Variants in IGSF3 observed in about 807,000 individuals in gnomAD.
IGSF3 encodes glu-Trp-Ile EWI motif-containing protein 3.
A neutral mutation model predicts 114.4 loss-of-function variants in IGSF3; 23 were observed. The observed-to-expected ratio is 0.20, with a 90% confidence interval of 0.14 to 0.28. The LOEUF is 0.28. Ranked by LOEUF, IGSF3 falls within the 10% of genes least tolerant of loss-of-function variation. IGSF3 has a pLI of 1.00. For synonymous variants in IGSF3, 571 were observed against 645.2 expected (o/e 0.88, Z 1.74); for missense variants, 1,172 against 1,591.5 (o/e 0.74, Z 4.48).
In IGSF3 at chr1:116,593,013, C is replaced by T. The variant is rs974976978; in HGVS notation, c.2030-3909G>A. On this transcript the variant is annotated intron_variant, in intron 7 of 10. Transcript: ENST00000369486. The surrounding 1 kb of genome is among the most constrained non-coding windows in gnomAD (Gnocchi z 4.5). ...ACAAGAGGAAAAAGATGACAACTAC[C>T]CTGTGCACTCTATTCAAGGAGGAGC... 1.3e-5 allele frequency among the ~76,000 whole-genome samples: 2 copies of T among 152,140 alleles called. No individual in the cohort carries two copies. Among genetic ancestry groups the T allele is most frequent in the African/African-American group, 4.8e-5 (2 of 41,414 alleles).
At chr1:116,639,400 C>T (rs1050446352) in intron 2 of IGSF3, among the ~76,000 whole-genome samples, 1 of 152,218 alleles carries the variant, frequency 6.6e-6, no homozygotes, top group Non-Finnish European at 1.5e-5. Flanking sequence ...TTTGCAAAGC[C>T]CAGCTCAAGT....
In IGSF3 at chr1:116,616,675, T is replaced by C. The variant is rs1661230648; in HGVS notation, c.44-218A>G. Among the ~76,000 whole-genome samples, 1 of 152,256 alleles carries C rather than the reference T, an allele frequency of 6.6e-6. No individual in the cohort carries two copies. The highest frequency in any genetic ancestry group is 2.1e-4 in the South Asian group (1 of 4,836). On this transcript the variant is annotated intron_variant, in intron 2 of 10. Transcript: ENST00000369486. The surrounding 1 kb of genome is among the most constrained non-coding windows in gnomAD (Gnocchi z 6.6). ...ATTTGCATATATGGGAATTTGATCA[T>C]GCCAAGATGTGCTTTTGTTACTTAT...
At chr1:116,631,976 C>G (rs2336284) in intron 2 of IGSF3, among the ~76,000 whole-genome samples, 1 of 152,180 alleles carries the variant, frequency 6.6e-6, no homozygotes, top group Non-Finnish European at 1.5e-5. Flanking sequence ...CCCTATAACT[C>G]CCAAATAAGC....
At chr1:116,631,776 C>T (rs1013218486) in intron 2 of IGSF3, among the ~76,000 whole-genome samples, 10 of 152,218 alleles carry the variant, frequency 6.6e-5, no homozygotes, top group African/African-American at 2.4e-4. Context: ...AGCCAGCCCA[C>T]AGGAGGACAT....
chr1:116,580,660 C>T (rs1659563461), intron 9 of IGSF3, among the ~76,000 whole-genome samples: 1 of 152,272 alleles, frequency 6.6e-6, no homozygotes, highest in Non-Finnish European at 1.5e-5. Flanking sequence ...GGTGCCCTGA[C>T]CTCAGACTTC....
rs1490929936 is a variant in IGSF3, at chr1:116,628,830, T to C, written c.44-12373A>G. Among the ~76,000 whole-genome samples, 2 of 152,192 alleles carry C rather than the reference T, an allele frequency of 1.3e-5. No individual in the cohort carries two copies. The highest frequency in any genetic ancestry group is 3.8e-4 in the East Asian group (2 of 5,196). ...TGGATTGGACATTTTCCCTATTCAATTCAAGGACCATGTTCTTGAGCATAA... is the reference window on the plus strand; with the variant it reads ...TGGATTGGACATTTTCCCTATTCAACTCAAGGACCATGTTCTTGAGCATAA... On this transcript the variant is annotated intron_variant, in intron 2 of 10. Coordinates refer to ENST00000369486, the MANE Select transcript of IGSF3 (RefSeq NM_001007237.3). The surrounding 1 kb of genome is among the most constrained non-coding windows in gnomAD (Gnocchi z 4.2).
chr1:116,600,555 T>C lies in IGSF3; in HGVS notation c.1625-210A>G, dbSNP rs898074573. On this transcript the variant is annotated intron_variant, in intron 6 of 10. Coordinates refer to ENST00000369486, the MANE Select transcript of IGSF3 (RefSeq NM_001007237.3). This position sits in a 1 kb window ranked among gnomAD's most constrained non-coding sequence, Gnocchi z 5.5. ...GACTCCAAAGAAAGGCCCACCACAA[T>C]TCCCCCTGAGCAGCACTAGCCTAAC... Among the ~76,000 whole-genome samples, 2 of 151,532 alleles carry C rather than the reference T, an allele frequency of 1.3e-5. No individual in the cohort carries two copies. The highest frequency in any genetic ancestry group is 2.9e-5 in the Non-Finnish European group (2 of 68,026).
chr1:116,643,331 C>T (rs1648193391), intron 2 of IGSF3, among the ~76,000 whole-genome samples: 2 of 152,218 alleles, frequency 1.3e-5, no homozygotes, highest in South Asian at 4.1e-4. Flanking sequence ...CGGAACTGCC[C>T]CAGGGCTGGT....
intron 5 of IGSF3, 116 bp from the exon 6 acceptor site, chr1:116,604,141 C>G (rs1244378274): frequency 8.2e-6 from 8 of 969,782 alleles, no homozygotes; most frequent in Admixed American, 2.8e-5. Context: ...CGGTGAGCCT[C>G]AGAGGGTCAA....
Position 116,612,021 on chromosome 1 carries a change from C to T in IGSF3, c.832+1744G>A, listed in dbSNP as rs1267107323. Among the ~76,000 whole-genome samples the T allele has an allele frequency of 6.6e-6, 1 of 152,152 alleles. No homozygotes were observed. Among genetic ancestry groups the T allele is most frequent in the African/African-American group, 2.4e-5 (1 of 41,434 alleles). On this transcript the variant is annotated intron_variant, in intron 4 of 10. Coordinates refer to ENST00000369486, the MANE Select transcript of IGSF3 (RefSeq NM_001007237.3). The surrounding 1 kb of genome is among the most constrained non-coding windows in gnomAD (Gnocchi z 4.1). Reference sequence around the variant, plus strand: ...GCACAGGAATGCAGGGTGAAGTCATCAACTTTTTTTTCACTTAGTTTTCCT... The same window carrying T: ...GCACAGGAATGCAGGGTGAAGTCATTAACTTTTTTTTCACTTAGTTTTCCT...
intron 2 of IGSF3, among the ~76,000 whole-genome samples, chr1:116,637,112 G>A (rs759097265): frequency 2.0e-5 from 3 of 152,154 alleles, no homozygotes; most frequent in Non-Finnish European, 2.9e-5. Flanking sequence ...CGAGTCCAGC[G>A]CATGCAGAGA....
At chr1:116,604,559 C>A (rs1265321955) in intron 5 of IGSF3, among the ~76,000 whole-genome samples, 2 of 152,184 alleles carry the variant, frequency 1.3e-5, no homozygotes, top group African/African-American at 4.8e-5. Flanking sequence ...GGGACGATAA[C>A]GTGTGCTTAA....
Position 116,578,497 on chromosome 1 carries a change from A to G in IGSF3, c.3334+895T>C, listed in dbSNP as rs139239723. 4.6e-5 allele frequency among the ~76,000 whole-genome samples: 7 copies of G among 152,322 alleles called. No individual in the cohort carries two copies. The East Asian group carries it at 1.3e-3, about 29-fold the overall frequency. Reference sequence around the variant, plus strand: ...TGTATGAAACTGCTGATAGTCCACCATTGTTGACCTGCAAAACTCCAATTT... The same window carrying G: ...TGTATGAAACTGCTGATAGTCCACCGTTGTTGACCTGCAAAACTCCAATTT... On this transcript the variant is annotated intron_variant, in intron 10 of 10. Coordinates refer to ENST00000369486, the MANE Select transcript of IGSF3 (RefSeq NM_001007237.3).
rs889757208 is a variant in IGSF3 at position 116,583,549 on chromosome 1, T to C, written c.2848+1096A>G. Among the ~76,000 whole-genome samples the C allele has an allele frequency of 6.6e-6, 1 of 152,124 alleles. No homozygotes were observed. The highest frequency in any genetic ancestry group is 2.4e-5 in the African/African-American group (1 of 41,428). On this transcript the variant is annotated intron_variant, in intron 9 of 10. Coordinates refer to ENST00000369486, the MANE Select transcript of IGSF3 (RefSeq NM_001007237.3). The surrounding 1 kb of genome is among the most constrained non-coding windows in gnomAD (Gnocchi z 4.5). The stretch of plus-strand genomic sequence containing the variant: ...GAGATGCAATATTCCACCAACGAAA[T>C]GAGCTGCTCTACTCAGACATGAAGA...
At position 116,628,979 on chromosome 1, in the gene IGSF3, AG is replaced by A. The variant is rs1235262678; in HGVS notation, c.44-12523del. On this transcript the variant is annotated intron_variant, in intron 2 of 10. Transcript: ENST00000369486. This position sits in a 1 kb window ranked among gnomAD's most constrained non-coding sequence, Gnocchi z 4.2. ...AGAGACTAATTCTGCAGCAGCCCAG[AG>A]AAGACAACTGGGAAACAGGGCCCTC... Among the ~76,000 whole-genome samples, 3 of 152,232 alleles carry A rather than the reference AG, an allele frequency of 2.0e-5. No individual in the cohort carries two copies. The highest frequency in any genetic ancestry group is 2.9e-5 in the Non-Finnish European group (2 of 68,052).
intron 8 of IGSF3, among the ~76,000 whole-genome samples, chr1:116,587,835 C>T (rs182401708): frequency 8.5e-5 from 13 of 152,246 alleles, no homozygotes; most frequent in Admixed American, 8.5e-4. Flanking sequence ...ACACAGCACC[C>T]CCCATGGCCC....
At chr1:116,611,123 G>T (rs1661003783) in intron 4 of IGSF3, among the ~76,000 whole-genome samples, 1 of 152,082 alleles carries the variant, frequency 6.6e-6, no homozygotes, top group African/African-American at 2.4e-5. Flanking sequence ...TGGTCTCTTG[G>T]CTTCAGACTC....
In IGSF3 at chr1:116,604,635, C is replaced by A. The variant is rs553796022; in HGVS notation, c.1223-610G>T. On this transcript the variant is annotated intron_variant, in intron 5 of 10. Transcript: ENST00000369486. ...AGTGTGTGAGGAGCGGGCTTTCATT[C>A]TTTCATTAACACACAGGAACAAAAC... Among the ~76,000 whole-genome samples, 3 of 152,318 alleles carry A rather than the reference C, an allele frequency of 2.0e-5. No homozygotes were observed. In the East Asian group the frequency reaches 5.8e-4, roughly 29 times the overall value.
At chr1:116,619,970 C>G (rs1266618260) in intron 2 of IGSF3, among the ~76,000 whole-genome samples, 1 of 151,854 alleles carries the variant, frequency 6.6e-6, no homozygotes. Context: ...TACTCCTTCC[C>G]CCAGTCCTCT....
Sources: gnomAD v4.1 joint callset for allele counts (sites outside exome capture counted in the v4.1 genomes callset) on GRCh38, gnomAD v4.1.1 for gene constraint, Gnocchi (gnomAD v3.1) non-coding constraint, MANE v1.5 for transcripts, NCBI Gene and HGNC (gene_info 2026-07-23, HGNC 2026-07-21) for gene names.